Variants in GPC5 observed in about 807,000 individuals in gnomAD.
GPC5 encodes glypican-5.
GPC5 carries 47 observed loss-of-function variants against 53.9 expected under a neutral mutation model. That is an observed-to-expected ratio of 0.87 (90% CI 0.69 to 1.11). The LOEUF is 1.11. GPC5 is among the 50% of genes most tolerant of loss of function. GPC5 has a pLI of 0.00. For synonymous variants in GPC5, 286 were observed against 263.3 expected (o/e 1.09, Z -0.84); for missense variants, 748 against 713.1 (o/e 1.05, Z -0.56).
intron 7 of GPC5, among the ~76,000 whole-genome samples, chr13:92,231,016 A>G (rs942095027): frequency 1.3e-5 from 2 of 152,332 alleles, no homozygotes; most frequent in Admixed American, 1.3e-4. Flanking sequence ...GCTTTGCAGT[A>G]AGATAGCCAA....
intron 4 of GPC5, 69 bp from the exon 5 acceptor site, chr13:91,756,226 A>G (rs1566663241): frequency 8.6e-7 from 1 of 1,164,818 alleles, no homozygotes; most frequent in Admixed American, 2.5e-5. Context: ...GTATAACAAT[A>G]CATATCATTT....
chr13:91,486,949 T>C (rs1381662808), intron 2 of GPC5: 2 of 152,232 alleles, frequency 1.3e-5, no homozygotes, highest in African/African-American at 4.8e-5. Context: ...CAAGGCCATA[T>C]TCCTAAAATA....
chr13:91,430,292 C>G (rs1261592400), intron 1 of GPC5, among the ~76,000 whole-genome samples: 1 of 152,058 alleles, frequency 6.6e-6, no homozygotes, highest in African/African-American at 2.4e-5. Context: ...ATGGGCATAC[C>G]TTGGGTCCAG....
intron 5 of GPC5, among the ~76,000 whole-genome samples, chr13:91,764,506 AT>A (rs201211237): frequency 0.012 from 1,840 of 152,244 alleles, 34 homozygotes; most frequent in African/African-American, 0.043. Context: ...AGCTGTCAGA[AT>A]TTTTTTGCTC....
chr13:92,093,370 C>T (rs369580357), intron 6 of GPC5, among the ~76,000 whole-genome samples: 27 of 152,074 alleles, frequency 1.8e-4, no homozygotes, highest in African/African-American at 6.5e-4. Context: ...ATTAAACAGT[C>T]CTAATGTTTG....
chr13:92,445,543 C>T (rs1413153519), intron 7 of GPC5, among the ~76,000 whole-genome samples: 1 of 143,866 alleles, frequency 7.0e-6, no homozygotes, highest in African/African-American at 2.6e-5. Context: ...TCATTTCCCA[C>T]CTATGAGTGA....
At position 91,903,443 on chromosome 13, in the gene GPC5, T is replaced by G. The variant is rs549869373; in HGVS notation, c.1281-4494T>G. On this transcript the variant is annotated intron_variant, in intron 5 of 7. Coordinates refer to ENST00000377067, the MANE Select transcript of GPC5 (RefSeq NM_004466.6). ...TAGATTTAGCATACGTGGGAAATGG[T>G]GGTTTCCGTCAGTTTACATTTCCAT... Among the ~76,000 whole-genome samples, 27 of 152,236 alleles carry G rather than the reference T, an allele frequency of 1.8e-4. No individual in the cohort carries two copies. In the South Asian group the frequency reaches 5.2e-3, roughly 29 times the overall value.
At chr13:92,237,258 T>C (rs2042577344) in intron 7 of GPC5, among the ~76,000 whole-genome samples, 1 of 152,190 alleles carries the variant, frequency 6.6e-6, no homozygotes. Flanking sequence ...TCTCACTCTG[T>C]TGCCAGGCTG....
chr13:91,427,521 A>C (rs1354547365), intron 1 of GPC5, among the ~76,000 whole-genome samples: 1 of 152,210 alleles, frequency 6.6e-6, no homozygotes, highest in Non-Finnish European at 1.5e-5. Context: ...TGGAATGAGA[A>C]CATTTACCCA....
At chr13:92,514,881 A>C (rs1353070756) in intron 7 of GPC5, among the ~76,000 whole-genome samples, 1 of 152,172 alleles carries the variant, frequency 6.6e-6, no homozygotes, top group Non-Finnish European at 1.5e-5. Flanking sequence ...AGCAACCTGA[A>C]AAAAATAGGT....
chr13:92,596,594 C>T (rs956983574), intron 7 of GPC5, among the ~76,000 whole-genome samples: 1 of 152,080 alleles, frequency 6.6e-6, no homozygotes, highest in African/African-American at 2.4e-5. Context: ...ATGCCTCAGC[C>T]TCCCAAGTAG....
At chr13:92,328,122 A>G (rs1404262923) in intron 7 of GPC5, among the ~76,000 whole-genome samples, 2 of 152,116 alleles carry the variant, frequency 1.3e-5, no homozygotes, top group Non-Finnish European at 1.5e-5. Flanking sequence ...TAAAATGAGA[A>G]CCTTCTTGAG....
At chr13:91,689,696 A>C (rs1322377801) in intron 2 of GPC5, among the ~76,000 whole-genome samples, 1 of 151,968 alleles carries the variant, frequency 6.6e-6, no homozygotes, top group Non-Finnish European at 1.5e-5. Context: ...AGGCCTACAC[A>C]GGGTCAGGAT....
chr13:92,084,690 T>C (rs2041322471), intron 6 of GPC5, among the ~76,000 whole-genome samples: 1 of 152,200 alleles, frequency 6.6e-6, no homozygotes, highest in East Asian at 1.9e-4. Flanking sequence ...GTTGTCAGGA[T>C]TAATATAATT....
intron 7 of GPC5, among the ~76,000 whole-genome samples, chr13:92,259,095 C>G (rs1206632010): frequency 6.6e-6 from 1 of 152,154 alleles, no homozygotes; most frequent in Non-Finnish European, 1.5e-5. Context: ...GATGAGTTTA[C>G]AGAACCTTGG....
intron 7 of GPC5, among the ~76,000 whole-genome samples, chr13:92,778,325 A>G (rs545749941): frequency 6.6e-6 from 1 of 152,296 alleles, no homozygotes; most frequent in East Asian, 1.9e-4. Flanking sequence ...GACAAGAATC[A>G]GTCTTATAAA....
chr13:92,663,943 A>T lies in GPC5; in HGVS notation c.1562-202339A>T, dbSNP rs558597464. Among the ~76,000 whole-genome samples, 76 of 142,472 alleles carry T rather than the reference A, an allele frequency of 5.3e-4. 1 individual carries two copies. The highest frequency in any genetic ancestry group is 1.9e-3 in the African/African-American group (70 of 37,728). 93.5% of individuals were successfully genotyped at this position (142,472 alleles called of 152,430 possible). On this transcript the variant is annotated intron_variant, in intron 7 of 7. Transcript: ENST00000377067. ...AAAAATTAGCTCGGCATGGTGCTGC[A>T]CGCCTGTAGTCCCAGCTACTTGGGA...
intron 7 of GPC5, among the ~76,000 whole-genome samples, chr13:92,814,311 A>G (rs1877389704): frequency 6.6e-6 from 1 of 151,910 alleles, no homozygotes; most frequent in Admixed American, 6.5e-5. Flanking sequence ...TTAGGCAAAG[A>G]CTTCTTAGAT....
At chr13:91,523,155 G>T (rs1452376481) in intron 2 of GPC5, among the ~76,000 whole-genome samples, 1 of 152,094 alleles carries the variant, frequency 6.6e-6, no homozygotes, top group Non-Finnish European at 1.5e-5. Context: ...AACGTAAATT[G>T]GTATGGTCAT....
Sources: allele counts gnomAD v4.1 joint callset (sites outside exome capture counted in the v4.1 genomes callset), GRCh38; gene constraint gnomAD v4.1.1; transcripts MANE v1.5; gene names NCBI Gene and HGNC (gene_info 2026-07-23, HGNC 2026-07-21).